The following AAK1 variants were observed in gnomAD, a reference collection of about 807,000 sequenced individuals.
AAK1 encodes the protein AP2-associated protein kinase 1.
Under a neutral mutation model 116.0 loss-of-function variants are expected in AAK1, and 37 were observed. The ratio of observed to expected loss-of-function variants is 0.32; its 90% CI spans 0.25 to 0.42. The LOEUF (loss-of-function observed/expected upper bound fraction) is 0.42, where lower values mean the gene tolerates loss of function less well. AAK1 is among the 10% of genes least tolerant of loss of function. AAK1 has a pLI of 1.00. For synonymous variants in AAK1, 458 were observed against 439.9 expected, an observed-to-expected ratio of 1.04 and a Z score of -0.51; for missense variants, 919 against 1,170.6, an observed-to-expected ratio of 0.79 and a Z score of 3.14.
rs528856526 is a variant in AAK1 at position 69,598,510 on chromosome 2, C to T, written c.164-41532G>A. 11 of 159,808 alleles carry T rather than the reference C, an allele frequency of 6.9e-5. No homozygotes were observed. The South Asian group carries it at 1.9e-3, about 27-fold the overall frequency. 9.9% of individuals were successfully genotyped at this position (159,808 alleles called of 1,614,324 possible). ...ATACTCCAGAAGACACAAACGTTTT[C>T]TTTTTCTTTTTTTTTTTCTTTTTTT... On this transcript the variant is annotated intron_variant, in intron 2 of 21. Transcript: ENST00000409085.
rs79574522 is a variant in AAK1 at position 69,470,991 on chromosome 2, T to A, written c.*4878A>T. The A allele has an allele frequency of 3.0e-6, 3 of 985,764 alleles. No individual in the cohort carries two copies. The highest frequency in any genetic ancestry group is 6.1e-5 in the Admixed American group (1 of 16,266). The allele number at this position is 985,764 out of a possible 1,614,324, so 61.1% of individuals were successfully genotyped here. On this transcript the variant is annotated 3_prime_UTR_variant, in exon 22 of 22. Coordinates refer to ENST00000409085, the MANE Select transcript of AAK1 (RefSeq NM_014911.5). Reference sequence around the variant, plus strand: ...AGAAAGTTCTTTACAGACTTTTTTTTATACAATACTTGTGCAGCAATGTTC... The same window carrying A: ...AGAAAGTTCTTTACAGACTTTTTTTAATACAATACTTGTGCAGCAATGTTC...
At chr2:69,516,277 T>C (rs920082255) in intron 12 of AAK1, among the ~76,000 whole-genome samples, 2 of 151,464 alleles carry the variant, frequency 1.3e-5, no homozygotes, top group African/African-American at 2.4e-5. Flanking sequence ...GAACAATTAA[T>C]TATCTATGTT....
chr2:69,590,201 C>T (rs115899603), intron 2 of AAK1, among the ~76,000 whole-genome samples: 3,208 of 152,268 alleles, frequency 0.021, 99 homozygotes, highest in African/African-American at 0.07. Flanking sequence ...CTAGACAAGG[C>T]GCATTAACTT....
intron 12 of AAK1, among the ~76,000 whole-genome samples, chr2:69,517,444 T>C (rs1284792559): frequency 2.0e-5 from 3 of 152,114 alleles, no homozygotes; most frequent in Non-Finnish European, 4.4e-5. Flanking sequence ...AACACCTCAA[T>C]ACACCGATTG....
intron 9 of AAK1, among the ~76,000 whole-genome samples, chr2:69,526,308 T>A (rs1022516661): frequency 6.6e-6 from 1 of 152,156 alleles, no homozygotes; most frequent in Non-Finnish European, 1.5e-5. Context: ...CACATCTGAT[T>A]CCAAATGTGA....
intron 2 of AAK1, among the ~76,000 whole-genome samples, chr2:69,563,043 A>T (rs1016395421): frequency 6.6e-6 from 1 of 152,118 alleles, no homozygotes; most frequent in Admixed American, 6.5e-5. Flanking sequence ...CAGCCTGAGC[A>T]ACAGAGCGAG....
chr2:69,464,054 GTCTGGCCTAT>G lies in AAK1; in HGVS notation c.*11805_*11814del, dbSNP rs961922808. On this transcript the variant is annotated 3_prime_UTR_variant, in exon 22 of 22. Transcript: ENST00000409085. The stretch of plus-strand genomic sequence containing the variant: ...AATTTTAAAAAACATCAGTTAACCT[GTCTGGCCTAT>G]TTCAACATCTAAAGAGGATAGAGAA... 1.3e-5 allele frequency: 2 copies of G among 152,628 alleles called. No homozygotes were observed. The highest frequency in any genetic ancestry group is 6.5e-5 in the Admixed American group (1 of 15,278). The allele number at this position is 152,628 out of a possible 1,614,324, so 9.5% of individuals were successfully genotyped here. A position where few individuals can be genotyped will look rare whatever the true frequency, so the allele number is the denominator to read the frequency against.
intron 2 of AAK1, among the ~76,000 whole-genome samples, chr2:69,564,597 A>G (rs60759352): frequency 0.044 from 6,763 of 152,268 alleles, 527 homozygotes; most frequent in African/African-American, 0.16. Flanking sequence ...CTTTTAGGGA[A>G]GGAGCTATGC....
intron 2 of AAK1, among the ~76,000 whole-genome samples, chr2:69,569,782 T>C (rs969100260): frequency 1.3e-5 from 2 of 152,162 alleles, no homozygotes; most frequent in African/African-American, 4.8e-5. Flanking sequence ...CTCATCATAA[T>C]TGTTTATGTT....
At chr2:69,500,812 G>A (rs1675954985) in intron 16 of AAK1, among the ~76,000 whole-genome samples, 1 of 150,566 alleles carries the variant, frequency 6.6e-6, no homozygotes, top group Admixed American at 6.6e-5. Context: ...TTAAAAAACA[G>A]CTCATACAAA....
At chr2:69,612,539 AAC>A (rs1169665981) in intron 2 of AAK1, among the ~76,000 whole-genome samples, 1 of 152,240 alleles carries the variant, frequency 6.6e-6, no homozygotes. Flanking sequence ...AGAAAACGAC[AAC>A]AGTTGTATTT....
chr2:69,524,932 C>G, intron 10 of AAK1, 101 bp downstream of exon 10: 1 of 1,168,744 alleles, frequency 8.6e-7, no homozygotes, highest in South Asian at 1.3e-5. Context: ...CTGTGCAGCC[C>G]CTGGTCATGA....
At chr2:69,476,045 CAAACCA>C (rs370277743) in intron 21 of AAK1, 82 bp from the exon 22 acceptor site, 5 of 1,464,304 alleles carry the variant, frequency 3.4e-6, no homozygotes, top group South Asian at 1.4e-5. Flanking sequence ...GAAGAAAAAC[CAAACCA>C]AAACCAAAAC....
In AAK1 at chr2:69,475,236, C is replaced by T; in HGVS notation, c.*633G>A. Reference sequence around the variant, plus strand: ...TTGCATGGGGTGTAAAATCCCTTGGCTAAGTCTATGATCAAACAAGGTCAA... The same window carrying T: ...TTGCATGGGGTGTAAAATCCCTTGGTTAAGTCTATGATCAAACAAGGTCAA... On this transcript the variant is annotated 3_prime_UTR_variant, in exon 22 of 22. Transcript: ENST00000409085. 1 of 985,874 alleles carries T rather than the reference C, an allele frequency of 1.0e-6. No individual in the cohort carries two copies. Among genetic ancestry groups the T allele is most frequent in the Non-Finnish European group, 1.2e-6 (1 of 829,972 alleles). 61.1% of individuals were successfully genotyped at this position (985,874 alleles called of 1,614,324 possible).
In AAK1 at chr2:69,519,018, GGCTGTTGCTGCT is replaced by G; in HGVS notation, c.1421_1432del (p.Gln474_Gln477del). 6.5e-7 allele frequency: 1 copy of G among 1,549,896 alleles called. No individual in the cohort carries two copies. The highest frequency in any genetic ancestry group is 1.2e-5 in the South Asian group (1 of 83,994). ...TGCCGGCTGCTGCTGTGCTGGCGGT[GGCTGTTGCTGCT>G]GCTGTTGCTGCTTGAGGAAGAGTTG... is the stretch of plus-strand genomic sequence containing the variant. On this transcript the variant is annotated inframe_deletion, in exon 12 of 22. Transcript: ENST00000409085.
In AAK1 at chr2:69,467,229, A is replaced by C. The variant is rs1348126082; in HGVS notation, c.*8640T>G. 6 of 985,310 alleles carry C rather than the reference A, an allele frequency of 6.1e-6. No homozygotes were observed. The highest frequency in any genetic ancestry group is 6.0e-6 in the Non-Finnish European group (5 of 829,934). 61.0% of individuals were successfully genotyped at this position (985,310 alleles called of 1,614,324 possible). On this transcript the variant is annotated 3_prime_UTR_variant, in exon 22 of 22. Coordinates refer to ENST00000409085, the MANE Select transcript of AAK1 (RefSeq NM_014911.5). ...TTGTTTTCAGTCTTCTAAGTTCATAAAGATCTCCTCTGCTTAAATGAATCT... is the reference window on the plus strand; with the variant it reads ...TTGTTTTCAGTCTTCTAAGTTCATACAGATCTCCTCTGCTTAAATGAATCT...
At chr2:69,504,772 A>T (rs1676115106) in intron 16 of AAK1, among the ~76,000 whole-genome samples, 1 of 152,218 alleles carries the variant, frequency 6.6e-6, no homozygotes, top group Non-Finnish European at 1.5e-5. Context: ...ATCTCAAAAA[A>T]TAAAATTGTG....
At chr2:69,542,368 T>C (rs1257892650) in intron 5 of AAK1, among the ~76,000 whole-genome samples, 155 bp downstream of exon 5, 2 of 152,224 alleles carry the variant, frequency 1.3e-5, no homozygotes, top group Admixed American at 6.5e-5. Context: ...ACTGTACTTT[T>C]TCCTTTGTTA....
chr2:69,556,742 T>G (rs557538556), intron 3 of AAK1, 118 bp downstream of exon 3: 1 of 719,594 alleles, frequency 1.4e-6, no homozygotes, highest in Non-Finnish European at 2.4e-6. Context: ...AGTCCCATTT[T>G]GTACAGAGGC....
Sources: allele counts gnomAD v4.1 joint callset (sites outside exome capture counted in the v4.1 genomes callset), GRCh38; gene constraint gnomAD v4.1.1; transcripts MANE v1.5; gene names NCBI Gene and HGNC (gene_info 2026-07-23, HGNC 2026-07-21).